CDH12: variants seen among roughly 807,000 people sequenced by gnomAD.
CDH12 encodes the protein cadherin 12.
Under a neutral mutation model 74.1 loss-of-function variants are expected in CDH12, and 41 were observed. The observed-to-expected ratio is 0.55, with a 90% CI of 0.43 to 0.72. The LOEUF is 0.72. Ranked by LOEUF, CDH12 falls within the 30% of genes least tolerant of loss-of-function variation. The pLI is 0.00. For missense variants in CDH12, 945 were observed against 977.2 expected (o/e 0.97, Z 0.44); for synonymous variants, 399 against 355.0 (o/e 1.12, Z -1.39).
intron 7 of CDH12, among the ~76,000 whole-genome samples, chr5:21,844,419 T>C (rs1750046105): frequency 6.6e-6 from 1 of 152,050 alleles, no homozygotes. Flanking sequence ...GAAGTGGTGC[T>C]GGGGCAGGGG....
In CDH12 at chr5:21,817,111, G is replaced by A; in HGVS notation, c.836C>T (p.Pro279Leu). 1 of 1,610,308 alleles carries A rather than the reference G, an allele frequency of 6.2e-7. No homozygotes were observed. The change falls in exon 9 of 15, where the codon CCT becomes CTT. Residue 279 changes from proline to leucine, a missense_variant. Physicochemically the swap from Pro to Leu is moderately conservative, Grantham distance 98. Around this residue, in one of 3 missense-constraint regions of CDH12, gnomAD observed 791 missense variants for 792.8 expected, o/e 1.00. Transcript: ENST00000382254. ...AGCTGAACCAATAGGGGAAGACTCA[G>A]GAACTTTCAAGTGGAAGATGCCTGA... ...FPKSIFHLKV[P>L]ESSPIGSAIG...
At chr5:22,276,690 T>G (rs1374746768) in intron 3 of CDH12, among the ~76,000 whole-genome samples, 2 of 152,198 alleles carry the variant, frequency 1.3e-5, no homozygotes, top group Non-Finnish European at 2.9e-5. Context: ...TTATTTTATT[T>G]CATTTTATTT....
Position 22,040,166 on chromosome 5 carries a change from TA to T in CDH12, c.231+38279del, listed in dbSNP as rs35483357. Among the ~76,000 whole-genome samples, 49 of 150,416 alleles carry T rather than the reference TA, an allele frequency of 3.3e-4. No individual in the cohort carries two copies. The South Asian group carries it at 7.6e-3, about 23-fold the overall frequency. On this transcript the variant is annotated intron_variant, in intron 5 of 14. Coordinates refer to ENST00000382254, the MANE Select transcript of CDH12 (RefSeq NM_004061.5). The stretch of plus-strand genomic sequence containing the variant: ...CTTGAAGCTAATTCAACAAATAAAG[TA>T]AAAAAAAATTACAGTAGAGAGCTTC...
intron 1 of CDH12, among the ~76,000 whole-genome samples, chr5:22,805,487 A>C (rs1581017911): frequency 1.3e-5 from 2 of 152,154 alleles, no homozygotes; most frequent in East Asian, 3.9e-4. Flanking sequence ...GAAAGTGTAA[A>C]ATGTATTGAT....
chr5:22,833,275 G>A (rs1040315715), intron 1 of CDH12, among the ~76,000 whole-genome samples: 5 of 152,150 alleles, frequency 3.3e-5, no homozygotes, highest in African/African-American at 1.2e-4. Context: ...GGCTGGAGAA[G>A]AGTACAAAGA....
intron 1 of CDH12, among the ~76,000 whole-genome samples, chr5:22,783,065 G>A (rs1747462145): frequency 6.6e-6 from 1 of 152,046 alleles, no homozygotes; most frequent in African/African-American, 2.4e-5. Context: ...ATGCTGTGTG[G>A]CTAATTCATA....
At chr5:22,723,740 G>T (rs1449026056) in intron 1 of CDH12, among the ~76,000 whole-genome samples, 1 of 151,992 alleles carries the variant, frequency 6.6e-6, no homozygotes, top group East Asian at 1.9e-4. Flanking sequence ...ATAATTACAA[G>T]TGGAGAAGGA....
chr5:22,697,884 G>A (rs144824567), intron 1 of CDH12, among the ~76,000 whole-genome samples: 1 of 152,046 alleles, frequency 6.6e-6, no homozygotes, highest in Admixed American at 6.6e-5. Flanking sequence ...GAGGCCCTGA[G>A]AAGACACATG....
intron 3 of CDH12, among the ~76,000 whole-genome samples, chr5:22,368,324 G>C (rs1362988654): frequency 6.6e-6 from 1 of 151,560 alleles, no homozygotes; most frequent in Non-Finnish European, 1.5e-5. Context: ...TTTAAAACAG[G>C]GTCTTGCTCT....
chr5:21,780,112 C>A (rs1745822750), intron 11 of CDH12, among the ~76,000 whole-genome samples: 1 of 152,092 alleles, frequency 6.6e-6, no homozygotes, highest in Non-Finnish European at 1.5e-5. Flanking sequence ...TTGTCTAAGT[C>A]CCAGTTCTGC....
intron 1 of CDH12, among the ~76,000 whole-genome samples, chr5:22,707,092 A>G (rs1743047645): frequency 6.6e-6 from 1 of 152,112 alleles, no homozygotes. Context: ...CACCATTGTG[A>G]ACTGGCCTTA....
At chr5:22,060,278 T>C (rs963918414) in intron 5 of CDH12, among the ~76,000 whole-genome samples, 1 of 117,368 alleles carries the variant, frequency 8.5e-6, no homozygotes, top group Non-Finnish European at 1.7e-5. Context: ...TAAGAACACA[T>C]GGGCACAGGG....
intron 5 of CDH12, among the ~76,000 whole-genome samples, chr5:22,016,530 G>A (rs1015689269): frequency 6.6e-6 from 1 of 151,774 alleles, no homozygotes; most frequent in Admixed American, 6.6e-5. Flanking sequence ...CAAGTAGCTG[G>A]GACTACAGGA....
At chr5:22,180,930 A>G (rs1412138193) in intron 4 of CDH12, among the ~76,000 whole-genome samples, 1 of 152,140 alleles carries the variant, frequency 6.6e-6, no homozygotes, top group African/African-American at 2.4e-5. Context: ...CAAAAGGCAC[A>G]TAATTTGGGG....
chr5:22,664,013 A>G (rs1433341504), intron 1 of CDH12, among the ~76,000 whole-genome samples: 1 of 152,144 alleles, frequency 6.6e-6, no homozygotes, highest in African/African-American at 2.4e-5. Flanking sequence ...ACTCTAGTAC[A>G]TAAAGTCCTT....
intron 3 of CDH12, among the ~76,000 whole-genome samples, chr5:22,337,179 G>T (rs1006349576): frequency 6.6e-6 from 1 of 152,136 alleles, no homozygotes; most frequent in Non-Finnish European, 1.5e-5. Flanking sequence ...TTTACCCAAT[G>T]CCAGTACCCC....
intron 1 of CDH12, among the ~76,000 whole-genome samples, chr5:22,595,399 A>C (rs1736555489): frequency 6.6e-6 from 1 of 152,196 alleles, no homozygotes. Context: ...TGCAATAACT[A>C]TTCTATTACA....
At chr5:22,698,121 G>GTTTTT (rs1561585152) in intron 1 of CDH12, among the ~76,000 whole-genome samples, 2 of 50,592 alleles carry the variant, frequency 4.0e-5, no homozygotes, top group Non-Finnish European at 8.0e-5. Context: ...TAAAGGCAGG[G>GTTTTT]CTTTTTTTTT....
chr5:22,567,534 T>G (rs948819132), intron 1 of CDH12, among the ~76,000 whole-genome samples: 4 of 152,178 alleles, frequency 2.6e-5, no homozygotes, highest in Non-Finnish European at 4.4e-5. Flanking sequence ...TAACAGTATA[T>G]CTATTATTTC....
Sources: gnomAD v4.1 joint callset for allele counts (sites outside exome capture counted in the v4.1 genomes callset) on GRCh38, gnomAD v4.1.1 for gene constraint, gnomAD v4.1.1 regional missense constraint, MANE v1.5 for transcripts, NCBI Gene and HGNC (gene_info 2026-07-23, HGNC 2026-07-21) for gene names.